The following BICC1 variants were observed in gnomAD, a reference collection of about 807,000 sequenced individuals.
The protein encoded by BICC1 is protein bicaudal C homolog 1.
BICC1 carries 43 observed loss-of-function variants against 111.0 expected under a neutral mutation model. That is an observed-to-expected ratio of 0.39 (90% CI 0.30 to 0.50). The LOEUF (loss-of-function observed/expected upper bound fraction) is 0.50. Ranked by LOEUF, BICC1 falls within the 20% of genes least tolerant of loss-of-function variation. BICC1 has a pLI of 0.88. For synonymous variants in BICC1, 467 were observed against 434.4 expected (o/e 1.07, Z -0.93); for missense variants, 1,091 against 1,203.2 (o/e 0.91, Z 1.38).
chr10:58,592,738 C>G (rs11006199), intron 1 of BICC1, among the ~76,000 whole-genome samples: 43,279 of 149,942 alleles, frequency 0.29, 6,565 homozygotes, highest in East Asian at 0.45. Context: ...ATAGCTGGGC[C>G]TGTTGGCGTG....
intron 8 of BICC1, among the ~76,000 whole-genome samples, chr10:58,792,125 G>T (rs1218197359): frequency 6.6e-6 from 1 of 152,064 alleles, no homozygotes; most frequent in Admixed American, 6.6e-5. Context: ...GTGCTTAATG[G>T]TAACCTCTCC....
intron 1 of BICC1, among the ~76,000 whole-genome samples, chr10:58,560,901 T>C (rs1256469318): frequency 6.6e-6 from 1 of 152,072 alleles, no homozygotes; most frequent in African/African-American, 2.4e-5. Context: ...TATTCTATTG[T>C]GATATGATTT....
intron 1 of BICC1, among the ~76,000 whole-genome samples, chr10:58,558,814 A>G (rs571557347): frequency 1.3e-5 from 2 of 152,216 alleles, no homozygotes; most frequent in Middle Eastern, 3.4e-3. Context: ...CCTGTTCCTC[A>G]TAGATGATGC....
intron 3 of BICC1, among the ~76,000 whole-genome samples, chr10:58,757,535 G>C (rs1842180814): frequency 6.7e-6 from 1 of 149,982 alleles, no homozygotes; most frequent in Admixed American, 6.6e-5. Flanking sequence ...ATCAGTAAGT[G>C]ATGTTATGGA....
intron 1 of BICC1, among the ~76,000 whole-genome samples, chr10:58,525,561 G>T (rs1312064488): frequency 8.4e-6 from 1 of 119,382 alleles, no homozygotes; most frequent in Non-Finnish European, 1.7e-5. Flanking sequence ...GGGGCCTGTT[G>T]TGGGGTGGGG....
intron 2 of BICC1, among the ~76,000 whole-genome samples, chr10:58,686,177 A>G (rs1480669225): frequency 6.6e-6 from 1 of 152,228 alleles, no homozygotes; most frequent in Non-Finnish European, 1.5e-5. Context: ...TTCTTTAAGA[A>G]TGTTGAATAT....
At chr10:58,592,850 C>A (rs373653258) in intron 1 of BICC1, among the ~76,000 whole-genome samples, 1,631 of 134,324 alleles carry the variant, frequency 0.012, 19 homozygotes, top group South Asian at 0.053. Flanking sequence ...GCACTCAAGC[C>A]TGGCCACAGA....
chr10:58,769,398 G>GTATATATATATATA (rs1464928653), intron 3 of BICC1, among the ~76,000 whole-genome samples: 35 of 101,616 alleles, frequency 3.4e-4, no homozygotes, highest in South Asian at 1.1e-3. Context: ...GTGTGTGTGT[G>GTATATATATATATA]TGTGTGTATA....
intron 1 of BICC1, among the ~76,000 whole-genome samples, chr10:58,612,223 C>G (rs931829960): frequency 4.6e-5 from 7 of 152,188 alleles, no homozygotes; most frequent in African/African-American, 1.2e-4. Context: ...AATGACTACT[C>G]TTTTCTCAGT....
At chr10:58,614,317 C>T (rs1297588181) in intron 1 of BICC1, among the ~76,000 whole-genome samples, 4 of 152,138 alleles carry the variant, frequency 2.6e-5, no homozygotes, top group African/African-American at 7.2e-5. Context: ...TGGGACTCAA[C>T]ACCGTTTGCA....
chr10:58,800,447 C>G, intron 13 of BICC1, 121 bp downstream of exon 13: 1 of 901,418 alleles, frequency 1.1e-6, no homozygotes, highest in Non-Finnish European at 1.6e-6. Flanking sequence ...CATCCTACCT[C>G]AATTATGTGG....
At chr10:58,685,452 A>G (rs1010962286) in intron 2 of BICC1, among the ~76,000 whole-genome samples, 8 of 152,142 alleles carry the variant, frequency 5.3e-5, no homozygotes. Flanking sequence ...GTTGTGTCTA[A>G]TGTTGACAGT....
At chr10:58,559,339 GTTT>G (rs903995076) in intron 1 of BICC1, among the ~76,000 whole-genome samples, 1 of 146,834 alleles carries the variant, frequency 6.8e-6, no homozygotes, top group Non-Finnish European at 1.5e-5. Flanking sequence ...AGGCATTTGT[GTTT>G]TTTTTTTGGT....
chr10:58,697,326 A>G (rs1840091965), intron 2 of BICC1, among the ~76,000 whole-genome samples: 1 of 152,216 alleles, frequency 6.6e-6, no homozygotes, highest in African/African-American at 2.4e-5. Context: ...AGTAGCATTC[A>G]TAAAATTATC....
At position 58,663,176 on chromosome 10, in the gene BICC1, C is replaced by A. The variant is rs973152379; in HGVS notation, c.238-38898C>A. 2.0e-5 allele frequency among the ~76,000 whole-genome samples: 3 copies of A among 150,296 alleles called. No homozygotes were observed. In the Admixed American group the frequency reaches 2.0e-4, roughly 10 times the overall value. ...TTGCTTCCTGGGTTGACGCCATTCT[C>A]CTGCCTCAGCCTCCTGAGTAGCTGG... On this transcript the variant is annotated intron_variant, in intron 2 of 20. Transcript: ENST00000373886.
In BICC1 at chr10:58,660,733, G is replaced by A. The variant is rs1838816656; in HGVS notation, c.237+39832G>A. 2.0e-5 allele frequency among the ~76,000 whole-genome samples: 3 copies of A among 152,054 alleles called. No individual in the cohort carries two copies. The South Asian group carries it at 6.2e-4, about 32-fold the overall frequency. On this transcript the variant is annotated intron_variant, in intron 2 of 20. Coordinates refer to ENST00000373886, the MANE Select transcript of BICC1 (RefSeq NM_001080512.3). ...TGGCTACCAGTCTCATAGGACTGAT[G>A]CCTCTGCCTGGCAACTCCACCCCAT... is the stretch of plus-strand genomic sequence containing the variant.
chr10:58,583,631 TAC>T (rs1353897581), intron 1 of BICC1, among the ~76,000 whole-genome samples: 1 of 146,714 alleles, frequency 6.8e-6, no homozygotes, highest in African/African-American at 2.5e-5. Context: ...TGTGTGTACA[TAC>T]ACACACATAC....
intron 5 of BICC1, 66 bp downstream of exon 5, chr10:58,787,147 C>G: frequency 7.1e-7 from 1 of 1,417,560 alleles, no homozygotes; most frequent in Non-Finnish European, 9.4e-7. Context: ...TTTCAGTTTG[C>G]CTATCTTTTT....
At chr10:58,813,618 C>G (rs1280807777) in intron 17 of BICC1, among the ~76,000 whole-genome samples, 1 of 152,168 alleles carries the variant, frequency 6.6e-6, no homozygotes, top group African/African-American at 2.4e-5. Flanking sequence ...AAGAAAAAGA[C>G]TTCACTGTGC....
Sources: gnomAD v4.1 joint callset for allele counts (sites outside exome capture counted in the v4.1 genomes callset) on GRCh38, gnomAD v4.1.1 for gene constraint, MANE v1.5 for transcripts, NCBI Gene and HGNC (gene_info 2026-07-23, HGNC 2026-07-21) for gene names.